ECHDC2: variants seen among roughly 807,000 people sequenced by gnomAD.
ECHDC2 encodes enoyl-CoA hydratase domain-containing protein 2, mitochondrial.
A neutral mutation model predicts 40.6 loss-of-function variants in ECHDC2; 34 were observed. The observed-to-expected ratio is 0.84, with a 90% CI of 0.64 to 1.11. The LOEUF (loss-of-function observed/expected upper bound fraction) is 1.11. ECHDC2 is among the 50% of genes most tolerant of loss of function. The pLI, the probability that ECHDC2 is intolerant of heterozygous loss-of-function variation, is 0.00. For missense variants in ECHDC2, 392 were observed against 400.7 expected (o/e 0.98, Z 0.19); for synonymous variants, 162 against 166.6 (o/e 0.97, Z 0.21).
At chr1:52,897,556 C>A (rs765397775) in intron 8 of ECHDC2, 72 bp from the exon 9 acceptor site, 109 of 1,445,466 alleles carry the variant, frequency 7.5e-5, no homozygotes, top group Middle Eastern at 1.8e-4. Context: ...GCCAGCCCAC[C>A]CTATTGCCTA....
chr1:52,899,618 G>A, intron 7 of ECHDC2: 1 of 190,470 alleles, frequency 5.3e-6, no homozygotes, highest in Non-Finnish European at 1.1e-5. Flanking sequence ...TGAAGCACTT[G>A]GCTGTGTTTA....
chr1:52,903,014 C>T (rs1447799865), intron 7 of ECHDC2, among the ~76,000 whole-genome samples: 5 of 152,144 alleles, frequency 3.3e-5, no homozygotes, highest in Admixed American at 2.6e-4. Context: ...CACTTTTAAT[C>T]TTTATGGAAA....
chr1:52,902,798 GTGT>G (rs770113822), intron 7 of ECHDC2, among the ~76,000 whole-genome samples: 9 of 151,886 alleles, frequency 5.9e-5, no homozygotes, highest in Non-Finnish European at 1.2e-4. Flanking sequence ...CAAAATACCG[GTGT>G]TGTTTTTTTT....
chr1:52,897,234 CAT>C, intron 9 of ECHDC2: 1 of 614,734 alleles, frequency 1.6e-6, no homozygotes, highest in African/African-American at 1.8e-5. Context: ...AACCCCAGTA[CAT>C]TAGATGGTTG....
chr1:52,899,207 C>T lies in ECHDC2; in HGVS notation c.720G>A (p.Arg240=). Residue 240 remains arginine (R), a synonymous_variant, in exon 8 of 10, where the codon CGG becomes CGA. Transcript: ENST00000371522. The stretch of plus-strand genomic sequence containing the variant: ...CTCGGTCAATGGCTACTTTGCCCAG[C>T]CGCACGGCAATGGGGGCCTAGGGAA... ...EILPQAPIAV[R]LGKVAIDRGT... 1 of 1,613,708 alleles carries T rather than the reference C, an allele frequency of 6.2e-7. No homozygotes were observed. Among genetic ancestry groups the T allele is most frequent in the South Asian group, 1.1e-5 (1 of 91,074 alleles).
At chr1:52,909,375 G>T (rs1571962738) in intron 3 of ECHDC2, among the ~76,000 whole-genome samples, 3 of 152,030 alleles carry the variant, frequency 2.0e-5, no homozygotes, top group Admixed American at 2.0e-4. Flanking sequence ...ATAAAATATT[G>T]TAGTATTTGC....
At chr1:52,902,871 T>C (rs1478072196) in intron 7 of ECHDC2, among the ~76,000 whole-genome samples, 1 of 152,194 alleles carries the variant, frequency 6.6e-6, no homozygotes, top group African/African-American at 2.4e-5. Context: ...TTTTATGGGT[T>C]TTCTCACAGA....
At chr1:52,905,223 C>G in intron 5 of ECHDC2, 133 bp from the exon 6 acceptor site, 1 of 898,562 alleles carries the variant, frequency 1.1e-6, no homozygotes, top group East Asian at 2.6e-5. Flanking sequence ...ACAGCCAGGC[C>G]TCTCCAGACT....
chr1:52,911,782 C>G lies in ECHDC2; in HGVS notation c.130G>C (p.Glu44Gln), dbSNP rs1304649312. The change falls in exon 2 of 10, where the codon GAG (glutamate) becomes CAG (glutamine). Residue 44 changes from glutamate to glutamine, a missense_variant. By Grantham distance (29) the Glu-to-Gln change is conservative. Coordinates refer to ENST00000371522, the MANE Select transcript of ECHDC2 (RefSeq NM_001198961.2). The stretch of plus-strand genomic sequence containing the variant: ...GCAGAAGGTCTGTTCATCAGAATCT[C>G]AGTGATCCCTGTAAGGAGTCAGGGC... Reference protein sequence around the residue: ...ALAGPDQGITEILMNRPSARN... With the variant: ...ALAGPDQGITQILMNRPSARN... The G allele has an allele frequency of 6.2e-7, 1 of 1,613,958 alleles. No homozygotes were observed. The highest frequency in any genetic ancestry group is 8.5e-7 in the Non-Finnish European group (1 of 1,179,948).
Position 52,897,255 on chromosome 1 carries a change from G to T in ECHDC2, c.801+182C>A. ...AGTACATTAGATGGTTGAGGGAAAA[G>T]TCCCAGAGAGAAGCACTATGGCTCT... On this transcript the variant is annotated intron_variant, in intron 9 of 9. Coordinates refer to ENST00000371522, the MANE Select transcript of ECHDC2 (RefSeq NM_001198961.2). 6.1e-6 allele frequency: 4 copies of T among 652,566 alleles called. 1 individual carries two copies. In the South Asian group the frequency reaches 7.1e-5, roughly 12 times the overall value. The allele number at this position is 652,566 out of a possible 1,614,324, so 40.4% of individuals were successfully genotyped here.
rs149742345 is a variant in ECHDC2, at chr1:52,911,500, C to T, written c.277+66G>A. On this transcript the variant is annotated intron_variant, in intron 3 of 9. Transcript: ENST00000371522. ...CCATGCTGAAGCTGATCTAAGGTTT[C>T]CCCCAACCCCTGGAGGCTGGTGGGC... The T allele has an allele frequency of 7.3e-6, 11 of 1,498,056 alleles. No individual in the cohort carries two copies. In the African/African-American group the frequency reaches 1.1e-4, roughly 15 times the overall value. 92.8% of individuals were successfully genotyped at this position (1,498,056 alleles called of 1,614,324 possible).
At chr1:52,896,880 C>CATG in intron 9 of ECHDC2, 2 of 422,450 alleles carry the variant, frequency 4.7e-6, no homozygotes, top group East Asian at 7.6e-5. Flanking sequence ...AGTGGTCTGA[C>CATG]ATGAGGCTGC....
intron 1 of ECHDC2, chr1:52,920,471 C>G (rs538692875): frequency 1.4e-6 from 2 of 1,453,070 alleles, no homozygotes; most frequent in Non-Finnish European, 1.9e-6. Flanking sequence ...AGGAGATGGA[C>G]GAGGAAGATA....
At chr1:52,920,690 G>C (rs1651678182) in intron 1 of ECHDC2, 2 of 629,550 alleles carry the variant, frequency 3.2e-6, no homozygotes, top group African/African-American at 3.7e-5. Flanking sequence ...GCCACCTATG[G>C]CTGGAATTAA....
chr1:52,899,430 G>C, intron 7 of ECHDC2: 5 of 592,762 alleles, frequency 8.4e-6, no homozygotes, highest in South Asian at 8.3e-5. Flanking sequence ...TCTGATCCCT[G>C]AACACCTGGG....
At chr1:52,903,444 TTTG>T (rs1647121978) in intron 7 of ECHDC2, among the ~76,000 whole-genome samples, 1 of 151,714 alleles carries the variant, frequency 6.6e-6, no homozygotes, top group Non-Finnish European at 1.5e-5. Flanking sequence ...TTTTTGGCTT[TTTG>T]TTTTTGTTTG....
At chr1:52,918,561 T>A (rs528248135) in intron 1 of ECHDC2, among the ~76,000 whole-genome samples, 1 of 152,058 alleles carries the variant, frequency 6.6e-6, no homozygotes, top group African/African-American at 2.4e-5. Flanking sequence ...GTCTTTGTTT[T>A]TAACAAAAAA....
chr1:52,903,821 C>CT (rs565248267), intron 7 of ECHDC2, among the ~76,000 whole-genome samples: 5,389 of 144,650 alleles, frequency 0.037, 166 homozygotes, highest in East Asian at 0.089. Context: ...TTCTTTCTTT[C>CT]TTTTTTTTTT....
At chr1:52,898,690 T>C (rs1255502930) in intron 8 of ECHDC2, 1 of 186,234 alleles carries the variant, frequency 5.4e-6, no homozygotes, top group African/African-American at 2.4e-5. Context: ...AGTTCCCAGC[T>C]TTGTTCTGGA....
Sources: gnomAD v4.1 joint callset for allele counts (sites outside exome capture counted in the v4.1 genomes callset) on GRCh38, gnomAD v4.1.1 for gene constraint, MANE v1.5 for transcripts, NCBI Gene and HGNC (gene_info 2026-07-23, HGNC 2026-07-21) for gene names.